ITPKC: variants seen among roughly 807,000 people sequenced by gnomAD.
The protein encoded by ITPKC is IP3 3-kinase C.
A neutral mutation model predicts 67.1 loss-of-function variants in ITPKC; 33 were observed. That is an observed-to-expected ratio of 0.49 (90% CI 0.37 to 0.66). The LOEUF is 0.66. ITPKC is among the 30% of genes least tolerant of loss of function. ITPKC has a pLI of 0.00. For missense variants in ITPKC, 820 were observed against 892.1 expected, an observed-to-expected ratio of 0.92 and a Z score of 1.03; for synonymous variants, 341 against 359.8, an observed-to-expected ratio of 0.95 and a Z score of 0.59.
In ITPKC at chr19:40,725,445, T is replaced by C; in HGVS notation, c.1255+6T>C. The C allele has an allele frequency of 1.9e-6, 3 of 1,586,442 alleles. No homozygotes were observed. Among genetic ancestry groups the C allele is most frequent in the Non-Finnish European group, 2.6e-6 (3 of 1,154,730 alleles). ...CCAGCTTTCTGGACATGCTGGTAAG[T>C]GGGGTGGTGGTGGACAGAGCTGGGC... On this transcript the variant is annotated splice_donor_region_variant and intron_variant, in intron 2 of 6. Transcript: ENST00000263370.
intron 3 of ITPKC, among the ~76,000 whole-genome samples, chr19:40,732,556 C>CAAGGGCTA (rs1414308179): frequency 1.5e-5 from 2 of 135,134 alleles, no homozygotes; most frequent in Admixed American, 1.5e-4. Flanking sequence ...AAGATTGTAA[C>CAAGGGCTA]AAGGGCTATG....
chr19:40,736,488 G>A (rs937266557), intron 4 of ITPKC, among the ~76,000 whole-genome samples: 35 of 151,826 alleles, frequency 2.3e-4, no homozygotes, highest in Non-Finnish European at 4.6e-4. Context: ...CAAGTGTGCA[G>A]GCAGGTGGGT....
rs765588961 is a variant in ITPKC, at chr19:40,733,348, G to A, written c.1658G>A (p.Arg553Gln). 9 of 1,610,374 alleles carry A rather than the reference G, an allele frequency of 5.6e-6. No homozygotes were observed. Among genetic ancestry groups the A allele is most frequent in the Admixed American group, 3.4e-5 (2 of 59,398 alleles). Residue 553 changes from arginine (R) to glutamine (Q), a missense_variant, in exon 4 of 7, where the codon CGG becomes CAG. By Grantham distance (43) the Arg-to-Gln change is conservative (BLOSUM62 1). Around this residue, in one of 2 missense-constraint regions of ITPKC, gnomAD observed 339 missense variants for 422.0 expected, o/e 0.80. Transcript: ENST00000263370. ...TMSSTSTLGF[R>Q]IEGIKKADGT... Reference sequence around the variant, plus strand: ...AGCTCCACCTCTACCCTGGGCTTCCGGATCGAGGGCATCAAGGTGAGGACC... The same window carrying A: ...AGCTCCACCTCTACCCTGGGCTTCCAGATCGAGGGCATCAAGGTGAGGACC...
chr19:40,727,190 C>T (rs972120194), intron 2 of ITPKC, among the ~76,000 whole-genome samples: 2 of 151,508 alleles, frequency 1.3e-5, no homozygotes, highest in African/African-American at 4.9e-5. Flanking sequence ...AAAAATTAGC[C>T]GGGCATGGTG....
In ITPKC at chr19:40,717,630, A is replaced by G. The variant is rs768861521; in HGVS notation, c.495A>G (p.Thr165=). 5.0e-6 allele frequency: 8 copies of G among 1,614,130 alleles called. No individual in the cohort carries two copies. Among genetic ancestry groups the G allele is most frequent in the Non-Finnish European group, 6.8e-6 (8 of 1,179,986 alleles). ...QFQPEEASPW[T]QPGVHGPWTE... ...AGCCCGAGGAGGCCAGCCCCTGGACACAGCCAGGGGTTCATGGGCCCTGGA... is the reference window on the plus strand; with the variant it reads ...AGCCCGAGGAGGCCAGCCCCTGGACGCAGCCAGGGGTTCATGGGCCCTGGA... Residue 165 remains threonine, a synonymous_variant, in exon 1 of 7, where the codon ACA becomes ACG. Transcript: ENST00000263370.
At chr19:40,728,252 G>T (rs183947971) in intron 2 of ITPKC, among the ~76,000 whole-genome samples, 31 of 151,970 alleles carry the variant, frequency 2.0e-4, no homozygotes, top group Non-Finnish European at 3.4e-4. Flanking sequence ...AGTGGTGGGG[G>T]TGCACACCTG....
intron 1 of ITPKC, among the ~76,000 whole-genome samples, chr19:40,724,251 A>C (rs141930030): frequency 4.6e-5 from 7 of 152,284 alleles, no homozygotes; most frequent in African/African-American, 1.7e-4. Context: ...GTAGCTGGGC[A>C]TGGTGGCACA....
At chr19:40,724,332 G>A (rs959627363) in intron 1 of ITPKC, among the ~76,000 whole-genome samples, 1 of 152,236 alleles carries the variant, frequency 6.6e-6, no homozygotes, top group Non-Finnish European at 1.5e-5. Context: ...GGAGGTTGCA[G>A]TGAGCTATGA....
intron 1 of ITPKC, among the ~76,000 whole-genome samples, chr19:40,721,708 A>G (rs1433216234): frequency 6.6e-6 from 1 of 151,362 alleles, no homozygotes; most frequent in Non-Finnish European, 1.5e-5. Context: ...TATTATGTTT[A>G]TGATTAAGGG....
chr19:40,718,336 C>T (rs1436127516), intron 1 of ITPKC, 46 bp downstream of exon 1: 2 of 1,483,904 alleles, frequency 1.3e-6, no homozygotes, highest in Admixed American at 2.3e-5. Flanking sequence ...CGCAAAACTC[C>T]TTATTCCTCC....
chr19:40,719,916 CCAGA>C (rs2082213437), intron 1 of ITPKC, among the ~76,000 whole-genome samples: 1 of 152,054 alleles, frequency 6.6e-6, no homozygotes, highest in Non-Finnish European at 1.5e-5. Context: ...TTACTGTACA[CCAGA>C]CACTGTTTTA....
chr19:40,718,180 C>G lies in ITPKC; in HGVS notation c.1045C>G (p.Arg349Gly). The G allele has an allele frequency of 6.3e-7, 1 of 1,586,768 alleles. No homozygotes were observed. The highest frequency in any genetic ancestry group is 8.6e-7 in the Non-Finnish European group (1 of 1,167,288). The change falls in exon 1 of 7, where the codon CGG becomes GGG. Residue 349 changes from arginine (R) to glycine (G), a missense_variant. Physicochemically the swap from Arg to Gly is moderately radical, Grantham distance 125. This residue lies in a region of ITPKC where 481 missense variants were observed against 470.1 expected (regional missense o/e 1.02). Transcript: ENST00000263370. ...PEAQPVGPPS[R>G]VEGGSGGFSS... ...GGCCCAGCCAGTGGGACCCCCCTCC[C>G]GGGTTGAGGGGGGCAGCGGCGGCTT...
chr19:40,721,527 C>A (rs367614604), intron 1 of ITPKC, among the ~76,000 whole-genome samples: 42 of 152,012 alleles, frequency 2.8e-4, no homozygotes, highest in African/African-American at 9.4e-4. Flanking sequence ...CACGCCACCA[C>A]GCCCGGCTAA....
intron 6 of ITPKC, among the ~76,000 whole-genome samples, chr19:40,739,080 C>T (rs974147125): frequency 3.3e-5 from 5 of 152,186 alleles, no homozygotes; most frequent in African/African-American, 9.7e-5. Flanking sequence ...ATTTTTGGAT[C>T]GCACTTGACT....
intron 4 of ITPKC, among the ~76,000 whole-genome samples, chr19:40,734,491 G>A (rs1368739461): frequency 6.6e-6 from 1 of 152,112 alleles, no homozygotes; most frequent in Non-Finnish European, 1.5e-5. Flanking sequence ...AATGCCTGTT[G>A]CAGATCCGAC....
chr19:40,738,429 A>G (rs1023802543), intron 6 of ITPKC, among the ~76,000 whole-genome samples: 3 of 151,502 alleles, frequency 2.0e-5, no homozygotes, highest in Non-Finnish European at 4.4e-5. Flanking sequence ...ACTCTGTCTC[A>G]ACAACAACAA....
At chr19:40,729,159 C>G in intron 2 of ITPKC, 43 bp from the exon 3 acceptor site, 1 of 1,532,096 alleles carries the variant, frequency 6.5e-7, no homozygotes, top group Non-Finnish European at 9.0e-7. Context: ...GGTTCTCTTC[C>G]TGATCCAGTT....
Position 40,717,353 on chromosome 19 carries a change from G to C in ITPKC, c.218G>C (p.Arg73Thr), listed in dbSNP as rs779496193. ...EGSSLHSEPE[R>T]AGLGPAPGTE... Reference sequence around the variant, plus strand: ...TCCAGCCTCCACAGCGAGCCTGAGAGGGCCGGCCTCGGGCCTGCGCCGGGG... The same window carrying C: ...TCCAGCCTCCACAGCGAGCCTGAGACGGCCGGCCTCGGGCCTGCGCCGGGG... Residue 73 changes from arginine to threonine, a missense_variant, in exon 1 of 7, where the codon AGG (arginine) becomes ACG (threonine). Arg to Thr is a moderately conservative substitution (Grantham distance 71). Coordinates refer to ENST00000263370, the MANE Select transcript of ITPKC (RefSeq NM_025194.3). 3.7e-6 allele frequency: 6 copies of C among 1,610,996 alleles called. No individual in the cohort carries two copies. The highest frequency in any genetic ancestry group is 5.1e-6 in the Non-Finnish European group (6 of 1,179,404).
rs1004523071 is a variant in ITPKC, at chr19:40,729,425, G to T, written c.1469+10G>T. 1 of 1,607,060 alleles carries T rather than the reference G, an allele frequency of 6.2e-7. No individual in the cohort carries two copies. Among genetic ancestry groups the T allele is most frequent in the Non-Finnish European group, 8.5e-7 (1 of 1,176,334 alleles). ...GCAAGATGGGCAGCAGGTGGGGCTG[G>T]GGCAGCCCTGGGGCAGGGATGGAGG... On this transcript the variant is annotated intron_variant, in intron 3 of 6. Transcript: ENST00000263370.
Sources: allele counts gnomAD v4.1 joint callset (sites outside exome capture counted in the v4.1 genomes callset), GRCh38; gene constraint gnomAD v4.1.1; regional missense constraint gnomAD v4.1.1; transcripts MANE v1.5; gene names NCBI Gene and HGNC (gene_info 2026-07-23, HGNC 2026-07-21).